SLC9C1: variants seen among roughly 807,000 people sequenced by gnomAD.
The protein encoded by SLC9C1 is solute carrier family 9 member C1.
SLC9C1 carries 97 observed loss-of-function variants against 140.9 expected under a neutral mutation model. That is an observed-to-expected ratio of 0.69 (90% CI 0.58 to 0.82). The LOEUF is 0.82. SLC9C1 is among the 40% of genes least tolerant of loss of function. The pLI is 0.00. For missense variants in SLC9C1, 1,340 were observed against 1,389.3 expected, an observed-to-expected ratio of 0.96 and a Z score of 0.56; for synonymous variants, 440 against 442.6, an observed-to-expected ratio of 0.99 and a Z score of 0.07.
chr3:112,198,714 C>T (rs1292749813), intron 20 of SLC9C1, among the ~76,000 whole-genome samples: 1 of 151,802 alleles, frequency 6.6e-6, no homozygotes, highest in Non-Finnish European at 1.5e-5. Flanking sequence ...AGAAAACCTA[C>T]CGAGACAAAG....
chr3:112,167,282 GA>G lies in SLC9C1; in HGVS notation c.3302del (p.Phe1101SerfsTer20). Reference protein sequence around the residue: ...IIQTPINMKTFRRNIRKFVPK... With the variant: ...IIQTPINMKTXRRNIRKFVPK... ...GAACAAACTTTCTAATATTCCTTCT[GA>G]ATGTTTTCATGTTAATCGGAGTTTG... On this transcript the variant is annotated frameshift_variant, in exon 26 of 29. Transcript: ENST00000305815. LOFTEE classifies it high-confidence loss of function. The G allele has an allele frequency of 6.2e-7, 1 of 1,608,802 alleles. No individual in the cohort carries two copies. Among genetic ancestry groups the G allele is most frequent in the Non-Finnish European group, 8.5e-7 (1 of 1,177,770 alleles).
At chr3:112,282,136 C>A (rs12632486) in intron 2 of SLC9C1, among the ~76,000 whole-genome samples, 88,269 of 152,016 alleles carry the variant, frequency 0.58, 26,253 homozygotes, top group East Asian at 0.79. Context: ...CCCAGATCAG[C>A]TACAGACAAG....
At chr3:112,285,792 G>T (rs1171706761) in intron 2 of SLC9C1, among the ~76,000 whole-genome samples, 7 of 151,624 alleles carry the variant, frequency 4.6e-5, no homozygotes, top group Non-Finnish European at 1.0e-4. Flanking sequence ...TTTGAGATAG[G>T]ATCTAGCTCT....
chr3:112,201,507 T>C (rs1207523331), intron 18 of SLC9C1, among the ~76,000 whole-genome samples: 2 of 152,028 alleles, frequency 1.3e-5, no homozygotes, highest in African/African-American at 4.8e-5. Flanking sequence ...TTTGGGCACA[T>C]AAAATATAGC....
At chr3:112,249,456 G>A (rs2079387622) in intron 10 of SLC9C1, among the ~76,000 whole-genome samples, 1 of 152,014 alleles carries the variant, frequency 6.6e-6, no homozygotes, top group African/African-American at 2.4e-5. Flanking sequence ...TTTGCTATTA[G>A]GATGATGCTG....
chr3:112,202,056 C>T (rs2077919040), intron 18 of SLC9C1, among the ~76,000 whole-genome samples, 194 bp downstream of exon 18: 1 of 151,966 alleles, frequency 6.6e-6, no homozygotes, highest in South Asian at 2.1e-4. Context: ...AGCCTTGTAA[C>T]TTGCTAATAT....
chr3:112,202,838 C>G (rs1163434769), intron 17 of SLC9C1, among the ~76,000 whole-genome samples: 1 of 151,924 alleles, frequency 6.6e-6, no homozygotes, highest in Non-Finnish European at 1.5e-5. Flanking sequence ...TGTTAGACCC[C>G]AAAATTAACT....
intron 7 of SLC9C1, among the ~76,000 whole-genome samples, chr3:112,268,492 T>C (rs2079983648): frequency 6.6e-6 from 1 of 152,242 alleles, no homozygotes; most frequent in South Asian, 2.1e-4. Flanking sequence ...AGTTTATTCA[T>C]TGATATTTTA....
chr3:112,270,574 G>C (rs1007629515), intron 6 of SLC9C1, among the ~76,000 whole-genome samples: 2 of 152,172 alleles, frequency 1.3e-5, no homozygotes, highest in African/African-American at 4.8e-5. Flanking sequence ...ACAATCCCTC[G>C]GGAGGCCGAG....
chr3:112,289,527 G>A (rs571751928), intron 1 of SLC9C1, among the ~76,000 whole-genome samples: 1 of 152,288 alleles, frequency 6.6e-6, no homozygotes, highest in Non-Finnish European at 1.5e-5. Context: ...TGTTGTATAG[G>A]TTGCACAACA....
intron 1 of SLC9C1, among the ~76,000 whole-genome samples, chr3:112,287,847 A>T (rs1452588474): frequency 6.6e-6 from 1 of 152,020 alleles, no homozygotes; most frequent in Non-Finnish European, 1.5e-5. Flanking sequence ...GGAGATTGAG[A>T]CCATCCTGGT....
chr3:112,233,050 C>CACACACAT (rs1326383624), intron 12 of SLC9C1, among the ~76,000 whole-genome samples: 2 of 86,628 alleles, frequency 2.3e-5, no homozygotes, highest in African/African-American at 7.8e-5. Flanking sequence ...CACACACACA[C>CACACACAT]ATATATATAT....
chr3:112,223,988 G>A (rs986269939), intron 13 of SLC9C1, among the ~76,000 whole-genome samples: 1 of 152,160 alleles, frequency 6.6e-6, no homozygotes, highest in African/African-American at 2.4e-5. Context: ...CTTCCCCAGA[G>A]TGAAGACCAG....
intron 26 of SLC9C1, among the ~76,000 whole-genome samples, chr3:112,159,207 T>C (rs1176725516): frequency 6.6e-6 from 1 of 151,906 alleles, no homozygotes; most frequent in African/African-American, 2.4e-5. Context: ...CCATTTTCAT[T>C]TATTTCAATA....
At chr3:112,180,779 A>G in intron 21 of SLC9C1, 117 bp from the exon 22 acceptor site, 4 of 788,698 alleles carry the variant, frequency 5.1e-6, no homozygotes, top group South Asian at 1.6e-5. Context: ...TCTGTCACCC[A>G]TACTGGAGTG....
chr3:112,226,481 G>A (rs1489824651), intron 13 of SLC9C1, among the ~76,000 whole-genome samples: 18 of 152,230 alleles, frequency 1.2e-4, no homozygotes, highest in East Asian at 1.9e-4. Flanking sequence ...CAGCACTTTC[G>A]GAGGCTGAGG....
intron 15 of SLC9C1, among the ~76,000 whole-genome samples, chr3:112,214,969 T>C (rs1239073122): frequency 1.3e-5 from 2 of 152,196 alleles, no homozygotes; most frequent in African/African-American, 4.8e-5. Flanking sequence ...AATAAAATAC[T>C]GGCAAACCGA....
intron 27 of SLC9C1, 46 bp downstream of exon 27, chr3:112,154,947 ACTCT>A (rs2075086163): frequency 2.0e-6 from 3 of 1,516,806 alleles, no homozygotes; most frequent in Non-Finnish European, 2.7e-6. Context: ...TAAATTCTAG[ACTCT>A]CTTTTACCCA....
chr3:112,164,199 A>T (rs1016029500), intron 26 of SLC9C1, among the ~76,000 whole-genome samples: 1 of 151,644 alleles, frequency 6.6e-6, no homozygotes, highest in African/African-American at 2.4e-5. Flanking sequence ...TGAATACAGC[A>T]CACTGATGGG....
Sources: allele counts gnomAD v4.1 joint callset (sites outside exome capture counted in the v4.1 genomes callset), GRCh38; gene constraint gnomAD v4.1.1; transcripts MANE v1.5; gene names NCBI Gene and HGNC (gene_info 2026-07-23, HGNC 2026-07-21).